The following STK32C variants were observed in gnomAD, a reference collection of about 807,000 sequenced individuals.
The protein encoded by STK32C is serine/threonine kinase 32C, also known as serine/threonine-protein kinase 32C.
Under a neutral mutation model 56.5 loss-of-function variants are expected in STK32C, and 31 were observed. The ratio of observed to expected loss-of-function variants is 0.55; its 90% CI spans 0.41 to 0.74. The LOEUF (loss-of-function observed/expected upper bound fraction) is 0.74, where lower values mean the gene tolerates loss of function less well. STK32C is among the 30% of genes least tolerant of loss of function. STK32C has a pLI of 0.00. For missense variants in STK32C, 544 were observed against 676.9 expected (o/e 0.80, Z 2.18); for synonymous variants, 309 against 289.4 (o/e 1.07, Z -0.69).
chr10:132,267,158 C>CTG (rs149441381), intron 1 of STK32C, among the ~76,000 whole-genome samples: 4,375 of 152,334 alleles, frequency 0.029, 102 homozygotes, highest in Non-Finnish European at 0.05. Context: ...GGGCCCTGGG[C>CTG]TCAGTCCAGG....
At chr10:132,228,297 C>T in intron 2 of STK32C, 169 bp from the exon 3 acceptor site, 1 of 742,538 alleles carries the variant, frequency 1.3e-6, no homozygotes, top group Non-Finnish European at 2.3e-6. Flanking sequence ...GCATTCCTCT[C>T]TGCCACATAT....
At chr10:132,237,185 CCCT>C (rs2063324614) in intron 2 of STK32C, among the ~76,000 whole-genome samples, 1 of 51,596 alleles carries the variant, frequency 1.9e-5, no homozygotes, top group Non-Finnish European at 5.8e-5. Flanking sequence ...TGACTGTGCT[CCCT>C]GGACTGTGCT....
At chr10:132,289,166 G>C (rs1210521930) in intron 1 of STK32C, among the ~76,000 whole-genome samples, 1 of 152,166 alleles carries the variant, frequency 6.6e-6, no homozygotes, top group Non-Finnish European at 1.5e-5. Flanking sequence ...TAATCCAATG[G>C]GGAAAGCTAA....
At position 132,278,784 on chromosome 10, in the gene STK32C, A is replaced by T. The variant is rs2065065456; in HGVS notation, c.262+28788T>A. On this transcript the variant is annotated intron_variant, in intron 1 of 11. Transcript: ENST00000298630. ...AAAAAAAAAAAAAAAAAAAATTCAA[A>T]ATACTACAAACTGAGAAAAAGCATT... 2.0e-5 allele frequency among the ~76,000 whole-genome samples: 3 copies of T among 152,148 alleles called. No individual in the cohort carries two copies. In the South Asian group the frequency reaches 6.2e-4, roughly 32 times the overall value.
At chr10:132,223,323 C>T (rs1046878264) in intron 8 of STK32C, among the ~76,000 whole-genome samples, 1 of 152,228 alleles carries the variant, frequency 6.6e-6, no homozygotes, top group Non-Finnish European at 1.5e-5. Flanking sequence ...ACACTCGGCA[C>T]ATGGCTGGCC....
rs2066109742 is a variant in STK32C, at chr10:132,307,352, C to G, written c.262+220G>C. On this transcript the variant is annotated intron_variant, in intron 1 of 11. Coordinates refer to ENST00000298630, the MANE Select transcript of STK32C (RefSeq NM_173575.4). The surrounding 1 kb of genome is among the most constrained non-coding windows in gnomAD (Gnocchi z 4.4). ...CTCGCCCCGAGGGCCCGGGCCCAGC[C>G]TGCTCCTCCTGCGGCGCCGCCACTA... 4 of 435,082 alleles carry G rather than the reference C, an allele frequency of 9.2e-6. No individual in the cohort carries two copies. The highest frequency in any genetic ancestry group is 3.9e-6 in the Non-Finnish European group (1 of 255,056). The allele number at this position is 435,082 out of a possible 1,614,324, so 27.0% of individuals were successfully genotyped here.
intron 1 of STK32C, among the ~76,000 whole-genome samples, chr10:132,273,884 A>G (rs2064914825): frequency 6.6e-6 from 1 of 152,168 alleles, no homozygotes; most frequent in Non-Finnish European, 1.5e-5. Flanking sequence ...TCTAAGTGAA[A>G]GATCATAAGA....
upstream of STK32C, chr10:132,331,908 G>C (rs1482220444): frequency 2.4e-6 from 2 of 841,056 alleles, no homozygotes; most frequent in Admixed American, 3.2e-5. Context: ...CCGCGCAGGC[G>C]CACCACAACC....
chr10:132,246,885 T>C (rs528933339), intron 1 of STK32C, among the ~76,000 whole-genome samples: 1 of 152,238 alleles, frequency 6.6e-6, no homozygotes, highest in South Asian at 2.1e-4. Context: ...TCTGCACCCC[T>C]AAGTCCGTGT....
chr10:132,243,531 G>A (rs185008460), intron 2 of STK32C, among the ~76,000 whole-genome samples: 34 of 152,306 alleles, frequency 2.2e-4, no homozygotes, highest in African/African-American at 8.2e-4. Flanking sequence ...GGTTAGTCCT[G>A]GAATTAACTA....
At chr10:132,305,930 G>A (rs905488521) in intron 1 of STK32C, among the ~76,000 whole-genome samples, 15 of 152,308 alleles carry the variant, frequency 9.8e-5, no homozygotes, top group Middle Eastern at 3.4e-3. Flanking sequence ...AGCAGCATCC[G>A]TGGGACACCG....
chr10:132,211,773 A>G (rs1280612456), intron 10 of STK32C, among the ~76,000 whole-genome samples: 1 of 152,160 alleles, frequency 6.6e-6, no homozygotes, highest in Admixed American at 6.5e-5. Flanking sequence ...CAGCTCCCTC[A>G]GGGCAGGGAC....
chr10:132,258,450 C>G (rs2064198021), intron 1 of STK32C, among the ~76,000 whole-genome samples: 2 of 152,262 alleles, frequency 1.3e-5, no homozygotes, highest in African/African-American at 4.8e-5. Context: ...GGGCTCTTTG[C>G]AAAGGACAGG....
chr10:132,222,823 T>A (rs749630606), intron 9 of STK32C, 38 bp downstream of exon 9: 39 of 1,592,334 alleles, frequency 2.4e-5, no homozygotes, highest in Non-Finnish European at 2.8e-5. Context: ...GCCACATCCA[T>A]CCCCAGGGCC....
chr10:132,327,448 T>C (rs1454943143), intron 1 of STK32C, among the ~76,000 whole-genome samples: 3 of 152,034 alleles, frequency 2.0e-5, no homozygotes, highest in African/African-American at 7.2e-5. Flanking sequence ...TCCCCAACCA[T>C]GGCTACAATA....
In STK32C at chr10:132,269,480, A is replaced by AGT. The variant is rs533997429; in HGVS notation, c.263-23527_263-23526dup. Among the ~76,000 whole-genome samples, 663 of 152,266 alleles carry AGT rather than the reference A, an allele frequency of 4.4e-3. 24 individuals are homozygous for AGT. The South Asian group carries it at 0.089, about 20-fold the overall frequency. ...GGCTGCTGCAGGAGGACCTGGGGAA[A>AGT]GTGTGTGGCAGCAAGCTGCAGCCTC... On this transcript the variant is annotated intron_variant, in intron 1 of 11. Transcript: ENST00000298630.
Position 132,307,237 on chromosome 10 carries a change from G to A in STK32C, c.262+335C>T, listed in dbSNP as rs1299383396. ...TACAAACGAGCCCGCACGTGGGCCC[G>A]AGCGGATCACGGAAAGCGGAAAGCA... On this transcript the variant is annotated intron_variant, in intron 1 of 11. Coordinates refer to ENST00000298630, the MANE Select transcript of STK32C (RefSeq NM_173575.4). The surrounding 1 kb of genome is among the most constrained non-coding windows in gnomAD (Gnocchi z 4.4). The A allele has an allele frequency of 1.5e-5, 3 of 200,872 alleles. No homozygotes were observed. The highest frequency in any genetic ancestry group is 3.0e-5 in the Non-Finnish European group (3 of 100,256). The allele number at this position is 200,872 out of a possible 1,614,324, so 12.4% of individuals were successfully genotyped here.
intron 10 of STK32C, among the ~76,000 whole-genome samples, chr10:132,216,647 G>T (rs2062481352): frequency 6.6e-6 from 1 of 152,186 alleles, no homozygotes; most frequent in African/African-American, 2.4e-5. Context: ...AGGAAAAAAT[G>T]GTTTCATGGG....
chr10:132,331,061 C>T (rs1044338282), intron 1 of STK32C, among the ~76,000 whole-genome samples: 4 of 151,034 alleles, frequency 2.6e-5, no homozygotes, highest in African/African-American at 4.9e-5. Flanking sequence ...ATTAGCTGGA[C>T]GTGGTGGCGC....
Sources: allele counts gnomAD v4.1 joint callset (sites outside exome capture counted in the v4.1 genomes callset), GRCh38; gene constraint gnomAD v4.1.1; non-coding constraint Gnocchi (gnomAD v3.1); transcripts MANE v1.5; gene names NCBI Gene and HGNC (gene_info 2026-07-23, HGNC 2026-07-21).